The following PRR11 variants were observed in gnomAD, a reference collection of about 807,000 sequenced individuals.
PRR11 encodes proline-rich protein 11.
Under a neutral mutation model 45.6 loss-of-function variants are expected in PRR11, and 30 were observed. That is an observed-to-expected ratio of 0.66 (90% confidence interval 0.49 to 0.89). The LOEUF (loss-of-function observed/expected upper bound fraction) is 0.89. Ranked by LOEUF, PRR11 falls within the 40% of genes least tolerant of loss-of-function variation. The pLI is 0.00. For synonymous variants in PRR11, 128 were observed against 153.5 expected (o/e 0.83, Z 1.23); for missense variants, 373 against 424.8 (o/e 0.88, Z 1.07).
Position 59,185,095 on chromosome 17 carries a change from G to C in PRR11, c.170G>C (p.Trp57Ser). 1 of 1,612,994 alleles carries C rather than the reference G, an allele frequency of 6.2e-7. No homozygotes were observed. The highest frequency in any genetic ancestry group is 1.7e-5 in the Admixed American group (1 of 59,962). Residue 57 changes from tryptophan (W) to serine (S), a missense_variant, in exon 3 of 10, where the codon TGG (tryptophan) becomes TCG (serine). By Grantham distance (177) the Trp-to-Ser change is radical. Coordinates refer to ENST00000262293, the MANE Select transcript of PRR11 (RefSeq NM_018304.4). ...ATAGATATATCTCAAAGCAGAAGCT[G>C]GCTAACATCATCCTGGAACTTCAAT... The part of the protein sequence containing the change: ...SSIDISQSRS[W>S]LTSSWNFNFP...
At chr17:59,187,164 G>A (rs528879859) in intron 4 of PRR11, among the ~76,000 whole-genome samples, 2 of 152,188 alleles carry the variant, frequency 1.3e-5, no homozygotes, top group African/African-American at 2.4e-5. Flanking sequence ...AGCCGAGATC[G>A]TGCTGCTGCA....
intron 1 of PRR11, among the ~76,000 whole-genome samples, chr17:59,165,090 G>A (rs1479601709): frequency 1.3e-5 from 2 of 151,426 alleles, no homozygotes; most frequent in Admixed American, 1.3e-4. Context: ...GCTCAGTCTC[G>A]GCTCACTGCA....
At chr17:59,198,673 C>CAA (rs1397235254) in intron 9 of PRR11, among the ~76,000 whole-genome samples, 3 of 135,230 alleles carry the variant, frequency 2.2e-5, no homozygotes, top group South Asian at 2.3e-4. Context: ...GACTTAGTCT[C>CAA]AAAAAAAAAA....
chr17:59,188,654 A>G (rs1184714123), intron 4 of PRR11, among the ~76,000 whole-genome samples: 1 of 152,044 alleles, frequency 6.6e-6, no homozygotes, highest in Non-Finnish European at 1.5e-5. Context: ...AGAATACACT[A>G]ATGGCCAGGC....
rs1222505396 is a variant in PRR11, at chr17:59,201,755, G to C, written c.*124G>C. 2 of 966,318 alleles carry C rather than the reference G, an allele frequency of 2.1e-6. No homozygotes were observed. The highest frequency in any genetic ancestry group is 3.3e-5 in the African/African-American group (2 of 61,048). The allele number at this position is 966,318 out of a possible 1,614,324, so 59.9% of individuals were successfully genotyped here. A position where few individuals can be genotyped will look rare whatever the true frequency, so the allele number is the denominator to read the frequency against. ...GGAGGCTGAGGCAGGTGGATCACCT[G>C]AGGTCAGGAGTTTGAGACCAGCCTG... On this transcript the variant is annotated 3_prime_UTR_variant, in exon 10 of 10. Coordinates refer to ENST00000262293, the MANE Select transcript of PRR11 (RefSeq NM_018304.4).
intron 2 of PRR11, among the ~76,000 whole-genome samples, chr17:59,180,504 T>C (rs538315598): frequency 8.0e-6 from 1 of 124,556 alleles, no homozygotes; most frequent in Non-Finnish European, 1.7e-5. Flanking sequence ...TTGTTTTTTT[T>C]TTTTTGTTTT....
intron 4 of PRR11, among the ~76,000 whole-genome samples, chr17:59,189,394 C>T (rs1217574397): frequency 6.6e-6 from 1 of 152,032 alleles, no homozygotes; most frequent in African/African-American, 2.4e-5. Context: ...AGTGTAGTGG[C>T]GTGATCTCAG....
chr17:59,191,481 G>C (rs928409867), intron 4 of PRR11, among the ~76,000 whole-genome samples: 3 of 151,846 alleles, frequency 2.0e-5, no homozygotes, highest in Admixed American at 1.3e-4. Context: ...AGCCTCCCAA[G>C]GTGCTGGGAT....
rs60886440 is a variant in PRR11 at position 59,173,466 on chromosome 17, G to C, written c.128+3586G>C. 7.4e-3 allele frequency among the ~76,000 whole-genome samples: 1,134 copies of C among 152,274 alleles called. 15 individuals carry two copies. Among genetic ancestry groups the C allele is most frequent in the African/African-American group, 0.026 (1,065 of 41,546 alleles). ...GTAACACTCACCATGAAGGTCTGCA[G>C]CTTCACTTCTGAAGCCAGTGAGACC... On this transcript the variant is annotated intron_variant, in intron 2 of 9. Transcript: ENST00000262293.
chr17:59,158,508 G>A (rs57528871), intron 1 of PRR11, among the ~76,000 whole-genome samples: 1 of 152,108 alleles, frequency 6.6e-6, no homozygotes, highest in Admixed American at 6.5e-5. Context: ...CATGATGTCT[G>A]CAACTAAATC....
chr17:59,175,515 A>C (rs2046739534), intron 2 of PRR11, among the ~76,000 whole-genome samples: 1 of 152,158 alleles, frequency 6.6e-6, no homozygotes, highest in African/African-American at 2.4e-5. Flanking sequence ...TAATCCCAGC[A>C]ATTTGGGAGG....
intron 4 of PRR11, among the ~76,000 whole-genome samples, chr17:59,186,381 A>ATTTTTTTTTTTTTTTTTTTTTTTTT (rs59082405): frequency 1.2e-5 from 1 of 84,610 alleles, no homozygotes; most frequent in African/African-American, 4.3e-5. Flanking sequence ...GCTGTTTGTA[A>ATTTTTTTTTTTTTTTTTTTTTTTTT]TTTTTTTTTT....
chr17:59,168,019 G>T (rs2046688127), intron 1 of PRR11, among the ~76,000 whole-genome samples: 2 of 151,776 alleles, frequency 1.3e-5, no homozygotes, highest in South Asian at 2.1e-4. Context: ...GAGTTGCTGT[G>T]GTTCAAATGT....
rs147193626 is a variant in PRR11 at position 59,173,646 on chromosome 17, G to A, written c.128+3766G>A. Among the ~76,000 whole-genome samples the A allele has an allele frequency of 5.7e-3, 867 of 152,282 alleles. 3 individuals carry two copies. The highest frequency in any genetic ancestry group is 7.2e-3 in the Non-Finnish European group (490 of 68,032). On this transcript the variant is annotated intron_variant, in intron 2 of 9. Transcript: ENST00000262293. ...CTGAACATCAGAAGGAACAAACTCC[G>A]GACACGCCACCTTTAAGAACTGTAA... is the stretch of plus-strand genomic sequence containing the variant.
intron 2 of PRR11, among the ~76,000 whole-genome samples, chr17:59,173,521 C>T (rs536066865): frequency 1.4e-3 from 214 of 152,176 alleles, no homozygotes; most frequent in Non-Finnish European, 9.4e-4. Context: ...CGAATAACTC[C>T]AGACGCCCTG....
chr17:59,172,392 G>A (rs753057708), intron 2 of PRR11, among the ~76,000 whole-genome samples: 10 of 152,336 alleles, frequency 6.6e-5, no homozygotes, highest in South Asian at 2.1e-4. Context: ...CTCGCTTTCC[G>A]TGCCTCCTCA....
intron 9 of PRR11, among the ~76,000 whole-genome samples, chr17:59,200,820 T>C (rs1442213594): frequency 6.6e-6 from 1 of 152,040 alleles, no homozygotes; most frequent in East Asian, 1.9e-4. Flanking sequence ...AGACGAAGTC[T>C]CACTATATCT....
rs869165501 is a variant in PRR11 at position 59,156,656 on chromosome 17, C to CTT, written c.-6+864_-6+865dup. On this transcript the variant is annotated intron_variant, in intron 1 of 9. Transcript: ENST00000262293. ...CAAAGAACTTTTCTTCTCTTTCTTT[C>CTT]TTTTTTTTTTTTTTCTTTTTTTGTG... Among the ~76,000 whole-genome samples the CTT allele has an allele frequency of 1.5e-4, 21 of 142,258 alleles. 1 individual carries two copies. The highest frequency in any genetic ancestry group is 4.3e-4 in the African/African-American group (17 of 39,084). 93.3% of individuals were successfully genotyped at this position (142,258 alleles called of 152,430 possible).
At chr17:59,199,737 G>A (rs1211337537) in intron 9 of PRR11, among the ~76,000 whole-genome samples, 1 of 152,148 alleles carries the variant, frequency 6.6e-6, no homozygotes, top group Non-Finnish European at 1.5e-5. Context: ...CCCCAATATT[G>A]TCTTCCTTTT....
Sources: allele counts gnomAD v4.1 joint callset (sites outside exome capture counted in the v4.1 genomes callset), GRCh38; gene constraint gnomAD v4.1.1; transcripts MANE v1.5; gene names NCBI Gene and HGNC (gene_info 2026-07-23, HGNC 2026-07-21).